VWC2: variants seen among roughly 807,000 people sequenced by gnomAD.
VWC2 encodes von Willebrand factor C domain containing 2.
A neutral mutation model predicts 29.8 loss-of-function variants in VWC2; 14 were observed. That is an observed-to-expected ratio of 0.47 (90% CI 0.31 to 0.74). The LOEUF (loss-of-function observed/expected upper bound fraction) is 0.74. VWC2 is among the 30% of genes least tolerant of loss of function. The pLI, the probability that VWC2 is intolerant of heterozygous loss-of-function variation, is 0.05. For synonymous variants in VWC2, 213 were observed against 199.0 expected (o/e 1.07, Z -0.59); for missense variants, 457 against 459.8 (o/e 0.99, Z 0.05).
At chr7:49,783,804 G>C (rs1788231289) in intron 2 of VWC2, among the ~76,000 whole-genome samples, 1 of 152,074 alleles carries the variant, frequency 6.6e-6, no homozygotes, top group South Asian at 2.1e-4. Context: ...AATCCCGGCA[G>C]TTCGGGAGGC....
chr7:49,891,424 C>G lies in VWC2; in HGVS notation c.827-20610C>G, dbSNP rs577079493. 3.4e-4 allele frequency among the ~76,000 whole-genome samples: 52 copies of G among 152,266 alleles called. No individual in the cohort carries two copies. The South Asian group carries it at 7.5e-3, about 22-fold the overall frequency. ...TTGTCATCACACATCAGACAAAGGA[C>G]TTTTGCAGAGTACATGAAAATTCTG... On this transcript the variant is annotated intron_variant, in intron 3 of 3. Transcript: ENST00000340652.
At chr7:49,774,355 C>T (rs1005405729) in intron 1 of VWC2, among the ~76,000 whole-genome samples, 14 of 152,140 alleles carry the variant, frequency 9.2e-5, no homozygotes, top group Non-Finnish European at 1.9e-4. Context: ...AGGGGACAGA[C>T]GCACCGGAGT....
intron 3 of VWC2, among the ~76,000 whole-genome samples, chr7:49,836,407 T>A (rs1215736693): frequency 1.3e-5 from 2 of 149,462 alleles, no homozygotes; most frequent in East Asian, 2.0e-4. Flanking sequence ...AGTGGGCAGA[T>A]CACTTGAGGT....
intron 3 of VWC2, among the ~76,000 whole-genome samples, chr7:49,899,719 A>G (rs1792605706): frequency 6.6e-6 from 1 of 151,994 alleles, no homozygotes; most frequent in Non-Finnish European, 1.5e-5. Context: ...ATCCACTTTT[A>G]TACTTGCATA....
At chr7:49,805,488 A>C (rs1269914033) in intron 3 of VWC2, among the ~76,000 whole-genome samples, 2 of 152,344 alleles carry the variant, frequency 1.3e-5, no homozygotes, top group East Asian at 3.9e-4. Context: ...TATTCACCAG[A>C]TAGAGCTTGG....
At chr7:49,780,471 A>G (rs551518191) in intron 2 of VWC2, among the ~76,000 whole-genome samples, 387 of 152,300 alleles carry the variant, frequency 2.5e-3, no homozygotes, top group African/African-American at 8.9e-3. Context: ...TGTTTTCATC[A>G]TGGGAATCTT....
At chr7:49,885,062 T>A in intron 3 of VWC2, among the ~76,000 whole-genome samples, 1 of 152,260 alleles carries the variant, frequency 6.6e-6, no homozygotes, top group Non-Finnish European at 1.5e-5. Flanking sequence ...TGCAACTTTT[T>A]AAATATTTGG....
chr7:49,883,767 C>T (rs539947681), intron 3 of VWC2, among the ~76,000 whole-genome samples: 27 of 152,298 alleles, frequency 1.8e-4, no homozygotes, highest in African/African-American at 5.5e-4. Context: ...TCTAATTGAA[C>T]ACAAATTTGA....
At chr7:49,778,178 G>C (rs1173770537) in intron 2 of VWC2, among the ~76,000 whole-genome samples, 2 of 151,818 alleles carry the variant, frequency 1.3e-5, no homozygotes, top group Non-Finnish European at 2.9e-5. Flanking sequence ...GGAGGAGAGG[G>C]ATCTCTCATT....
At chr7:49,859,087 ATACT>A (rs1328930059) in intron 3 of VWC2, among the ~76,000 whole-genome samples, 1 of 152,236 alleles carries the variant, frequency 6.6e-6, no homozygotes, top group Non-Finnish European at 1.5e-5. Context: ...ATATGGGCAC[ATACT>A]TATTTAGGAA....
At chr7:49,863,711 G>A (rs746648198) in intron 3 of VWC2, among the ~76,000 whole-genome samples, 3 of 152,130 alleles carry the variant, frequency 2.0e-5, no homozygotes, top group Non-Finnish European at 4.4e-5. Flanking sequence ...GATTAGAGAC[G>A]TGAGCCACTG....
chr7:49,785,848 G>T (rs1381528383), intron 2 of VWC2, among the ~76,000 whole-genome samples: 1 of 152,120 alleles, frequency 6.6e-6, no homozygotes, highest in Non-Finnish European at 1.5e-5. Flanking sequence ...TTTACTAAAA[G>T]AACTTTAAAA....
intron 2 of VWC2, among the ~76,000 whole-genome samples, chr7:49,790,658 T>A (rs1788445532): frequency 6.6e-6 from 1 of 151,756 alleles, no homozygotes; most frequent in East Asian, 2.0e-4. Context: ...CCTTCCTGGA[T>A]TGATGAAGGG....
At chr7:49,788,299 C>G (rs558355524) in intron 2 of VWC2, among the ~76,000 whole-genome samples, 40 of 152,320 alleles carry the variant, frequency 2.6e-4, no homozygotes, top group African/African-American at 9.6e-4. Flanking sequence ...GGGGTGCGAG[C>G]AGGGCTGTTG....
intron 3 of VWC2, among the ~76,000 whole-genome samples, chr7:49,885,004 A>G (rs937583806): frequency 2.0e-5 from 3 of 152,118 alleles, no homozygotes; most frequent in African/African-American, 7.2e-5. Context: ...GAAATAGGAT[A>G]TAAGTGTTGT....
chr7:49,887,369 C>A (rs1297685221), intron 3 of VWC2, among the ~76,000 whole-genome samples: 1 of 152,180 alleles, frequency 6.6e-6, no homozygotes, highest in African/African-American at 2.4e-5. Context: ...ATGATGACAC[C>A]ATTTGCTAGT....
chr7:49,905,635 A>G lies in VWC2; in HGVS notation c.827-6399A>G, dbSNP rs576738496. On this transcript the variant is annotated intron_variant, in intron 3 of 3. Transcript: ENST00000340652. ...CTCTACAATGAGAAAATTACTGTCTAATGGAGATGTCAGAGGTGTTTGAAC... is the reference window on the plus strand; with the variant it reads ...CTCTACAATGAGAAAATTACTGTCTGATGGAGATGTCAGAGGTGTTTGAAC... 2.6e-5 allele frequency among the ~76,000 whole-genome samples: 4 copies of G among 152,296 alleles called. No homozygotes were observed. In the East Asian group the frequency reaches 7.7e-4, roughly 29 times the overall value.
intron 3 of VWC2, among the ~76,000 whole-genome samples, chr7:49,842,432 T>C (rs1483904897): frequency 6.6e-6 from 1 of 152,196 alleles, no homozygotes; most frequent in African/African-American, 2.4e-5. Flanking sequence ...TTTACTGAAG[T>C]CAGTATAGGG....
intron 3 of VWC2, among the ~76,000 whole-genome samples, chr7:49,809,411 T>C (rs993084638): frequency 4.6e-5 from 7 of 151,958 alleles, no homozygotes; most frequent in Non-Finnish European, 8.8e-5. Flanking sequence ...AGCCTACATA[T>C]CTTTACTGGT....
Sources: allele counts gnomAD v4.1 joint callset (sites outside exome capture counted in the v4.1 genomes callset), GRCh38; gene constraint gnomAD v4.1.1; transcripts MANE v1.5; gene names NCBI Gene and HGNC (gene_info 2026-07-23, HGNC 2026-07-21).